The following SYT16 variants were observed in gnomAD, a reference collection of about 807,000 sequenced individuals.
SYT16 encodes the protein synaptotagmin-16.
A neutral mutation model predicts 61.4 loss-of-function variants in SYT16; 42 were observed. The observed-to-expected ratio is 0.68, with a 90% CI of 0.53 to 0.89. The LOEUF (loss-of-function observed/expected upper bound fraction) is 0.89, where lower values mean the gene tolerates loss of function less well. Ranked by LOEUF, SYT16 falls within the 40% of genes least tolerant of loss-of-function variation. The pLI is 0.00. For synonymous variants in SYT16, 314 were observed against 302.3 expected (o/e 1.04, Z -0.40); for missense variants, 804 against 807.3 (o/e 1.00, Z 0.05).
chr14:62,090,751 G>A (rs1433816734), intron 7 of SYT16, among the ~76,000 whole-genome samples: 1 of 152,178 alleles, frequency 6.6e-6, no homozygotes, highest in Admixed American at 6.5e-5. Context: ...CTGTTTTTAT[G>A]CTGCTGATAA....
intron 3 of SYT16, among the ~76,000 whole-genome samples, chr14:62,055,371 G>A (rs1188143948): frequency 1.3e-5 from 2 of 152,204 alleles, no homozygotes; most frequent in African/African-American, 4.8e-5. Context: ...TTGCAGTGAT[G>A]AAACAGCTTA....
intron 1 of SYT16, among the ~76,000 whole-genome samples, chr14:61,918,428 G>C (rs1158661545): frequency 6.6e-6 from 1 of 152,040 alleles, no homozygotes; most frequent in African/African-American, 2.4e-5. Flanking sequence ...GAAGAAAAGA[G>C]GGGAAATACA....
chr14:62,023,960 C>T (rs879410833), intron 3 of SYT16, among the ~76,000 whole-genome samples: 7 of 152,038 alleles, frequency 4.6e-5, no homozygotes, highest in Middle Eastern at 3.4e-3. Context: ...CCCATAAAAA[C>T]CTTATTGTGT....
chr14:61,855,344 C>A (rs8012104), intron 1 of SYT16, among the ~76,000 whole-genome samples: 23,038 of 152,066 alleles, frequency 0.15, 1,868 homozygotes, highest in African/African-American at 0.22. Context: ...GTGTCCTGAT[C>A]AACCCATCGT....
chr14:61,850,331 C>T (rs113245203), intron 1 of SYT16, among the ~76,000 whole-genome samples: 22,289 of 151,778 alleles, frequency 0.15, 1,730 homozygotes, highest in African/African-American at 0.21. Context: ...GATGGGGTTT[C>T]ACCATGTTGG....
chr14:61,996,433 T>G lies in SYT16; in HGVS notation c.414T>G (p.Ser138=), dbSNP rs751411372. 2 of 1,613,494 alleles carry G rather than the reference T, an allele frequency of 1.2e-6. No individual in the cohort carries two copies. The highest frequency in any genetic ancestry group is 2.7e-5 in the African/African-American group (2 of 75,018). Residue 138 remains serine, a synonymous_variant, in exon 3 of 8, where the codon TCT becomes TCG. Coordinates refer to ENST00000683842, the MANE Select transcript of SYT16 (RefSeq NM_001367656.1). ...SDDRKLPHVL[S]SIAEEEHHLE... ...ACCGCAAGTTACCACATGTGCTTTCTTCTATTGCGGAGGAAGAGCATCACC... is the reference window on the plus strand; with the variant it reads ...ACCGCAAGTTACCACATGTGCTTTCGTCTATTGCGGAGGAAGAGCATCACC...
chr14:61,830,450 A>G (rs1335077688), intron 1 of SYT16, among the ~76,000 whole-genome samples: 2 of 152,028 alleles, frequency 1.3e-5, no homozygotes, highest in African/African-American at 4.8e-5. Context: ...TGCTATTCTG[A>G]TCTGCTCTAT....
In SYT16 at chr14:62,069,702, T is replaced by TC; in HGVS notation, c.625dup (p.Arg209ProfsTer6). 1 of 1,613,978 alleles carries TC rather than the reference T, an allele frequency of 6.2e-7. No homozygotes were observed. Among genetic ancestry groups the TC allele is most frequent in the Non-Finnish European group, 8.5e-7 (1 of 1,179,868 alleles). ...ATTTCCGTGTCCCGGTCCCAGAGTT[T>TC]CCGTTCAGTGACATCTGAGAAAGGA... On this transcript the variant is annotated frameshift_variant, in exon 4 of 8. Transcript: ENST00000683842. LOFTEE classifies it high-confidence loss of function.
At chr14:62,009,646 C>T (rs1178681450) in intron 3 of SYT16, among the ~76,000 whole-genome samples, 1 of 152,134 alleles carries the variant, frequency 6.6e-6, no homozygotes, top group Admixed American at 6.6e-5. Context: ...AGTAAAAAGA[C>T]ATTGAAAGAT....
At chr14:61,935,488 C>A (rs2049943056) in intron 1 of SYT16, among the ~76,000 whole-genome samples, 1 of 152,224 alleles carries the variant, frequency 6.6e-6, no homozygotes, top group African/African-American at 2.4e-5. Context: ...CCTGGCTCTT[C>A]ACCTAACTGG....
intron 1 of SYT16, among the ~76,000 whole-genome samples, chr14:61,826,876 C>G (rs80107963): frequency 6.6e-6 from 1 of 151,862 alleles, no homozygotes; most frequent in African/African-American, 2.4e-5. Context: ...AATACCCCAA[C>G]CCCTTTTAAT....
intron 3 of SYT16, among the ~76,000 whole-genome samples, chr14:62,043,100 T>TC (rs772577265): frequency 9.5e-5 from 4 of 42,324 alleles, no homozygotes; most frequent in African/African-American, 5.3e-4. Flanking sequence ...GTGGTTTCTC[T>TC]TTTTTTTTTT....
At chr14:62,054,552 C>T (rs2055460769) in intron 3 of SYT16, among the ~76,000 whole-genome samples, 1 of 151,928 alleles carries the variant, frequency 6.6e-6, no homozygotes, top group Non-Finnish European at 1.5e-5. Flanking sequence ...TGTAGAGGTA[C>T]AGTTTCCTCA....
intron 2 of SYT16, among the ~76,000 whole-genome samples, chr14:61,974,048 T>C (rs2051677406): frequency 6.6e-6 from 1 of 152,076 alleles, no homozygotes; most frequent in African/African-American, 2.4e-5. Context: ...TGGTGTCCCA[T>C]GTGGGCCTGG....
intron 3 of SYT16, among the ~76,000 whole-genome samples, chr14:62,066,909 C>G (rs780147162): frequency 3.3e-5 from 5 of 152,096 alleles, no homozygotes; most frequent in African/African-American, 4.8e-5. Context: ...GGAGCACTGA[C>G]AAGAGAGAAC....
intron 3 of SYT16, among the ~76,000 whole-genome samples, chr14:62,064,511 G>T (rs1045393745): frequency 6.6e-6 from 1 of 152,030 alleles, no homozygotes; most frequent in Non-Finnish European, 1.5e-5. Flanking sequence ...GGGAATAGAT[G>T]CTCATGAAAA....
intron 1 of SYT16, among the ~76,000 whole-genome samples, chr14:61,847,949 T>A (rs1340020265): frequency 2.0e-5 from 3 of 152,262 alleles, no homozygotes; most frequent in Non-Finnish European, 4.4e-5. Flanking sequence ...CTGATAGGAT[T>A]CTGAATTCTT....
chr14:61,992,453 G>A (rs1595100159), intron 2 of SYT16, among the ~76,000 whole-genome samples: 1 of 152,204 alleles, frequency 6.6e-6, no homozygotes, highest in East Asian at 1.9e-4. Context: ...GTGAGTTGCT[G>A]TTGTCCTGAA....
intron 1 of SYT16, among the ~76,000 whole-genome samples, chr14:61,968,243 G>A (rs2051399194): frequency 6.6e-6 from 1 of 152,040 alleles, no homozygotes; most frequent in Non-Finnish European, 1.5e-5. Flanking sequence ...CCTGTGTGAT[G>A]GAGTAAGACT....
Sources: gnomAD v4.1 joint callset for allele counts (sites outside exome capture counted in the v4.1 genomes callset) on GRCh38, gnomAD v4.1.1 for gene constraint, MANE v1.5 for transcripts, NCBI Gene and HGNC (gene_info 2026-07-23, HGNC 2026-07-21) for gene names.